Variants in TFRC observed in about 807,000 individuals in gnomAD.
TFRC encodes transferrin receptor protein 1.
TFRC carries 35 observed loss-of-function variants against 85.8 expected under a neutral mutation model. The ratio of observed to expected loss-of-function variants is 0.41; its 90% confidence interval spans 0.31 to 0.54. TFRC has a LOEUF of 0.54. Ranked by LOEUF, TFRC falls within the 20% of genes least tolerant of loss-of-function variation. The pLI is 0.31. For synonymous variants in TFRC, 362 were observed against 328.6 expected, an observed-to-expected ratio of 1.10 and a Z score of -1.10; for missense variants, 828 against 921.5, an observed-to-expected ratio of 0.90 and a Z score of 1.31.
intron 7 of TFRC, among the ~76,000 whole-genome samples, 189 bp from the exon 8 acceptor site, chr3:196,068,319 A>G (rs957514341): frequency 1.2e-4 from 19 of 152,336 alleles, no homozygotes; most frequent in African/African-American, 4.1e-4. Flanking sequence ...TGTTTGCAAA[A>G]TAAGAGTAAC....
chr3:196,072,329 C>T (rs1015463138), intron 4 of TFRC, among the ~76,000 whole-genome samples, 177 bp from the exon 5 acceptor site: 1 of 152,014 alleles, frequency 6.6e-6, no homozygotes, highest in African/African-American at 2.4e-5. Flanking sequence ...AAAATTTTGC[C>T]CCAAATCTTG....
chr3:196,067,667 CAA>C lies in TFRC; in HGVS notation c.901-12_901-11del, dbSNP rs934188606. The C allele has an allele frequency of 6.2e-7, 1 of 1,611,696 alleles. No individual in the cohort carries two copies. Among genetic ancestry groups the C allele is most frequent in the Non-Finnish European group, 8.5e-7 (1 of 1,179,134 alleles). ...CTGTCCCCAGATGAGCCTAGGAAAA[CAA>C]AAGAGCAATTCACTCCATCACATAC... On this transcript the variant is annotated splice_polypyrimidine_tract_variant and intron_variant, in intron 8 of 18. Transcript: ENST00000360110.
rs994429896 is a variant in TFRC at position 196,049,628 on chromosome 3, G to A, written c.*2314C>T. ...AACTCAACCCTAACTGTAGAAAAGG[G>A]TTTTCTGAAGAGACTCACTGCTGCA... On this transcript the variant is annotated 3_prime_UTR_variant, in exon 19 of 19. Transcript: ENST00000360110. The A allele has an allele frequency of 8.8e-6, 2 of 226,322 alleles. No homozygotes were observed. Among genetic ancestry groups the A allele is most frequent in the Non-Finnish European group, 1.8e-5 (2 of 113,750 alleles). The allele number at this position is 226,322 out of a possible 1,614,324, so 14.0% of individuals were successfully genotyped here. A position where few individuals can be genotyped will look rare whatever the true frequency, so the allele number is the denominator to read the frequency against.
intron 16 of TFRC, chr3:196,057,874 G>C (rs1240391141): frequency 6.6e-6 from 1 of 151,772 alleles, no homozygotes; most frequent in Non-Finnish European, 1.5e-5. Context: ...GGAGTCACTA[G>C]TGTTAACAAA....
intron 9 of TFRC, among the ~76,000 whole-genome samples, chr3:196,066,428 C>A (rs764836206): frequency 3.3e-5 from 5 of 152,168 alleles, no homozygotes; most frequent in Non-Finnish European, 7.3e-5. Context: ...GCACTCCTGC[C>A]TGGGCAACAG....
intron 16 of TFRC, among the ~76,000 whole-genome samples, chr3:196,056,296 C>T (rs868459779): frequency 1.2e-4 from 18 of 152,072 alleles, no homozygotes; most frequent in African/African-American, 3.1e-4. Context: ...CCCAATGTGC[C>T]GGAATTATAG....
intron 13 of TFRC, among the ~76,000 whole-genome samples, chr3:196,060,797 CAAAAAAAAA>C (rs1173946134): frequency 0.021 from 790 of 36,934 alleles, 9 homozygotes; most frequent in African/African-American, 0.075. Flanking sequence ...GACTCCATCT[CAAAAAAAAA>C]AAAAAAAAAA....
intron 2 of TFRC, among the ~76,000 whole-genome samples, chr3:196,075,876 A>C (rs993440220): frequency 8.5e-6 from 1 of 118,060 alleles, no homozygotes; most frequent in African/African-American, 2.6e-5. Context: ...CTGTAATCCC[A>C]GCACTCTGGG....
intron 14 of TFRC, among the ~76,000 whole-genome samples, chr3:196,059,592 TTTC>T (rs1366802438): frequency 2.2e-4 from 34 of 152,012 alleles, no homozygotes; most frequent in African/African-American, 7.7e-4. Context: ...AGGCAAATAT[TTTC>T]TTTTTTATTT....
chr3:196,081,563 G>C (rs1459709576), intron 1 of TFRC, among the ~76,000 whole-genome samples: 4 of 152,206 alleles, frequency 2.6e-5, no homozygotes, highest in Non-Finnish European at 5.9e-5. Flanking sequence ...GTGTTCCCCC[G>C]GCGCCGCACG....
chr3:196,074,663 G>A (rs899020945), intron 3 of TFRC, among the ~76,000 whole-genome samples: 1 of 151,902 alleles, frequency 6.6e-6, no homozygotes, highest in Admixed American at 6.6e-5. Context: ...GGCAGATCAC[G>A]AGGTCAGGAG....
chr3:196,071,504 AAAAAGATT>A lies in TFRC; in HGVS notation c.585-14_585-7del. 1 of 1,613,626 alleles carries A rather than the reference AAAAAGATT, an allele frequency of 6.2e-7. No individual in the cohort carries two copies. Among genetic ancestry groups the A allele is most frequent in the Non-Finnish European group, 8.5e-7 (1 of 1,179,556 alleles). ...TGATCACCGAGTTTTGAGCGCTGTT[AAAAAGATT>A]AAGTTAAAATAAGCCTAAGGTCATC... On this transcript the variant is annotated splice_polypyrimidine_tract_variant and splice_region_variant and intron_variant, in intron 5 of 18. Coordinates refer to ENST00000360110, the MANE Select transcript of TFRC (RefSeq NM_001128148.3).
At chr3:196,063,026 G>T in intron 11 of TFRC, 87 bp from the exon 12 acceptor site, 2 of 1,018,622 alleles carry the variant, frequency 2.0e-6, no homozygotes, top group Non-Finnish European at 2.9e-6. Context: ...GAATCAGAAG[G>T]TCTAATTCCA....
At chr3:196,056,332 G>A (rs973294143) in intron 16 of TFRC, among the ~76,000 whole-genome samples, 1 of 152,176 alleles carries the variant, frequency 6.6e-6, no homozygotes, top group Non-Finnish European at 1.5e-5. Flanking sequence ...CCCAGCCTGA[G>A]GAAAATACTG....
chr3:196,063,300 T>G (rs1717440126), intron 11 of TFRC: 1 of 159,120 alleles, frequency 6.3e-6, no homozygotes, highest in South Asian at 2.0e-4. Flanking sequence ...AGCATGATGA[T>G]GCACATCTTG....
chr3:196,081,070 A>G (rs143223003), intron 1 of TFRC, among the ~76,000 whole-genome samples: 2 of 152,318 alleles, frequency 1.3e-5, no homozygotes, highest in East Asian at 3.9e-4. Flanking sequence ...GCCGAATCAG[A>G]ATGTATTTTC....
intron 17 of TFRC, among the ~76,000 whole-genome samples, chr3:196,054,039 C>A (rs899798441): frequency 6.6e-6 from 1 of 152,072 alleles, no homozygotes; most frequent in Non-Finnish European, 1.5e-5. Flanking sequence ...GAGTTCAAGA[C>A]CAGCCTGGCC....
chr3:196,076,391 C>T (rs1718700082), intron 2 of TFRC, among the ~76,000 whole-genome samples: 2 of 151,780 alleles, frequency 1.3e-5, no homozygotes, highest in African/African-American at 4.8e-5. Context: ...TCCTGCCTCA[C>T]CTCCCAAACT....
chr3:196,081,532 G>A (rs1719175936), intron 1 of TFRC, among the ~76,000 whole-genome samples: 1 of 152,220 alleles, frequency 6.6e-6, no homozygotes, highest in African/African-American at 2.4e-5. Flanking sequence ...GTTCCCTGGG[G>A]CGACTTCCTG....
Sources: allele counts gnomAD v4.1 joint callset (sites outside exome capture counted in the v4.1 genomes callset), GRCh38; gene constraint gnomAD v4.1.1; transcripts MANE v1.5; gene names NCBI Gene and HGNC (gene_info 2026-07-23, HGNC 2026-07-21).